MDGA2: variants seen among roughly 807,000 people sequenced by gnomAD.
The protein encoded by MDGA2 is MAM domain-containing glycosylphosphatidylinositol anchor protein 2.
A neutral mutation model predicts 117.8 loss-of-function variants in MDGA2; 40 were observed. That is an observed-to-expected ratio of 0.34 (90% CI 0.26 to 0.44). The LOEUF is 0.44. Ranked by LOEUF, MDGA2 falls within the 20% of genes least tolerant of loss-of-function variation. The probability of loss-of-function intolerance (pLI) is 1.00; values close to 1 mark genes in which losing one functional copy is unlikely to be tolerated. For synonymous variants in MDGA2, 452 were observed against 439.0 expected, an observed-to-expected ratio of 1.03 and a Z score of -0.37; for missense variants, 1,123 against 1,250.6, an observed-to-expected ratio of 0.90 and a Z score of 1.54.
chr14:46,957,671 G>A (rs1319038484), intron 8 of MDGA2, 28 bp from the exon 9 acceptor site: 8 of 1,610,960 alleles, frequency 5.0e-6, no homozygotes, highest in South Asian at 1.1e-5. Context: ...AAAAACAGAT[G>A]AAAGATGTGA....
chr14:47,051,997 C>T (rs193010412), intron 7 of MDGA2, among the ~76,000 whole-genome samples: 3 of 151,932 alleles, frequency 2.0e-5, no homozygotes, highest in South Asian at 2.1e-4. Context: ...CTGTAATGTA[C>T]ATTCCATTGT....
At position 47,415,162 on chromosome 14, in the gene MDGA2, C is replaced by T. The variant is rs80266505; in HGVS notation, c.281-113612G>A. ...GCAGAGTAATTTCTATATCAGTAAC[C>T]CTTTTGTACCAGATATAATTTTGGT... On this transcript the variant is annotated intron_variant, in intron 1 of 16. Coordinates refer to ENST00000399232, the MANE Select transcript of MDGA2 (RefSeq NM_001113498.3). Among the ~76,000 whole-genome samples the T allele has an allele frequency of 4.3e-4, 65 of 152,048 alleles. No individual in the cohort carries two copies. In the East Asian group the frequency reaches 0.012, roughly 28 times the overall value.
intron 9 of MDGA2, among the ~76,000 whole-genome samples, chr14:46,935,905 C>T (rs1299162879): frequency 6.6e-6 from 1 of 152,024 alleles, no homozygotes; most frequent in Non-Finnish European, 1.5e-5. Flanking sequence ...TCATTAGGCA[C>T]AGGAGTCACA....
intron 12 of MDGA2, 102 bp from the exon 13 acceptor site, chr14:46,874,302 A>C: frequency 1.9e-6 from 1 of 519,948 alleles, no homozygotes; most frequent in South Asian, 8.4e-5. Context: ...ATAATAATGC[A>C]AGATTGTGAC....
rs1958103 is a variant in MDGA2 at position 47,136,485 on chromosome 14, C to T, written c.793-4639G>A. Among the ~76,000 whole-genome samples, 922 of 152,310 alleles carry T rather than the reference C, an allele frequency of 6.1e-3. 10 individuals are homozygous for T. The highest frequency in any genetic ancestry group is 0.021 in the African/African-American group (876 of 41,582). ...GTGCTGGGATTACAGGCATGAGCCA[C>T]TGCACCAGCCTCAATATGAAGAGAT... On this transcript the variant is annotated intron_variant, in intron 4 of 16. Coordinates refer to ENST00000399232, the MANE Select transcript of MDGA2 (RefSeq NM_001113498.3).
chr14:47,309,250 G>A (rs979098377), intron 1 of MDGA2, among the ~76,000 whole-genome samples: 1 of 152,004 alleles, frequency 6.6e-6, no homozygotes, highest in African/African-American at 2.4e-5. Flanking sequence ...GATTCCATTG[G>A]TTATTTTAAA....
intron 1 of MDGA2, among the ~76,000 whole-genome samples, chr14:47,448,637 G>A (rs1893177442): frequency 6.6e-6 from 1 of 152,138 alleles, no homozygotes; most frequent in Admixed American, 6.5e-5. Context: ...TTCTCTTTAT[G>A]AACCTCTTCA....
intron 3 of MDGA2, among the ~76,000 whole-genome samples, chr14:47,205,770 AATCTT>A (rs1294199987): frequency 6.6e-5 from 10 of 152,112 alleles, no homozygotes; most frequent in African/African-American, 2.4e-4. Flanking sequence ...GTGATCTTCT[AATCTT>A]AGCTTAGCAT....
At position 46,957,561 on chromosome 14, in the gene MDGA2, T is replaced by G. The variant is rs1429336723; in HGVS notation, c.1902A>C (p.Arg634Ser). ...RSVTMSCRVL[R>S]AYPIRVLTYE... Reference sequence around the variant, plus strand: ...AGGTCAGCACCCGTATTGGATAGGCTCTCAGTACTCTGCAACTCATAGTGA... The same window carrying G: ...AGGTCAGCACCCGTATTGGATAGGCGCTCAGTACTCTGCAACTCATAGTGA... The change falls in exon 9 of 17, where the codon AGA (arginine) becomes AGC (serine). Residue 634 changes from arginine (R) to serine (S), a missense_variant. This residue lies in a region of MDGA2 where 890 missense variants were observed against 1,050.3 expected (regional missense o/e 0.85). Transcript: ENST00000399232. 1 of 1,614,156 alleles carries G rather than the reference T, an allele frequency of 6.2e-7. No individual in the cohort carries two copies.
At chr14:47,398,492 A>G (rs531036965) in intron 1 of MDGA2, among the ~76,000 whole-genome samples, 1 of 152,212 alleles carries the variant, frequency 6.6e-6, no homozygotes, top group Non-Finnish European at 1.5e-5. Context: ...TGGGGATTAT[A>G]GAAACTATAT....
intron 1 of MDGA2, among the ~76,000 whole-genome samples, chr14:47,377,137 A>T (rs1344952761): frequency 6.6e-6 from 1 of 152,172 alleles, no homozygotes; most frequent in Non-Finnish European, 1.5e-5. Flanking sequence ...TAAAGTGGCA[A>T]AGAGGTAGAT....
At chr14:47,343,040 C>G in intron 1 of MDGA2, 1 of 1,284,846 alleles carries the variant, frequency 7.8e-7, no homozygotes, top group Non-Finnish European at 1.0e-6. Context: ...GCAGGCAGCA[C>G]TACCGTGAGT....
intron 1 of MDGA2, among the ~76,000 whole-genome samples, chr14:47,400,753 CTTTTCTTTTTT>C (rs1461756626): frequency 5.0e-5 from 1 of 19,954 alleles, no homozygotes; most frequent in East Asian, 3.6e-3. Context: ...CTTTTCTTTT[CTTTTCTTTTTT>C]TTTTTTTTTT....
intron 5 of MDGA2, among the ~76,000 whole-genome samples, chr14:47,119,169 G>GCCGCCCC (rs1881501331): frequency 3.6e-4 from 7 of 19,398 alleles, no homozygotes; most frequent in Non-Finnish European, 4.7e-4. Context: ...TCCTGCCTCA[G>GCCGCCCC]CCCCGCCCCC....
At chr14:47,380,697 T>C (rs1314215207) in intron 1 of MDGA2, among the ~76,000 whole-genome samples, 2 of 151,944 alleles carry the variant, frequency 1.3e-5, no homozygotes, top group Non-Finnish European at 2.9e-5. Context: ...AATTACAGGC[T>C]CTGAAATTGA....
chr14:47,127,462 A>C (rs1881963789), intron 5 of MDGA2, among the ~76,000 whole-genome samples: 1 of 152,082 alleles, frequency 6.6e-6, no homozygotes, highest in Non-Finnish European at 1.5e-5. Context: ...CAGATGGAAA[A>C]ATTTCTGAAG....
chr14:46,983,681 G>C (rs1369416155), intron 8 of MDGA2, among the ~76,000 whole-genome samples: 1 of 152,028 alleles, frequency 6.6e-6, no homozygotes, highest in East Asian at 1.9e-4. Context: ...TCAAGGTGCT[G>C]AAAGTGTCAA....
At chr14:47,609,234 C>T (rs140160728) in intron 1 of MDGA2, among the ~76,000 whole-genome samples, 2 of 150,378 alleles carry the variant, frequency 1.3e-5, no homozygotes, top group African/African-American at 4.9e-5. Context: ...TCTCAAGTCC[C>T]CAAAGTTCAT....
At chr14:46,971,959 TA>T (rs1331931482) in intron 8 of MDGA2, among the ~76,000 whole-genome samples, 1 of 152,154 alleles carries the variant, frequency 6.6e-6, no homozygotes, top group Non-Finnish European at 1.5e-5. Flanking sequence ...CAATGGAAAG[TA>T]AAACCTACTG....
Sources: allele counts gnomAD v4.1 joint callset (sites outside exome capture counted in the v4.1 genomes callset), GRCh38; gene constraint gnomAD v4.1.1; regional missense constraint gnomAD v4.1.1; transcripts MANE v1.5; gene names NCBI Gene and HGNC (gene_info 2026-07-23, HGNC 2026-07-21).